The following MGA variants were observed in gnomAD, a reference collection of about 807,000 sequenced individuals.
MGA encodes the protein MAX gene-associated protein.
A neutral mutation model predicts 261.1 loss-of-function variants in MGA; 40 were observed. The observed-to-expected ratio is 0.15, with a 90% CI of 0.12 to 0.20. MGA has a LOEUF of 0.20. MGA is among the 10% of genes least tolerant of loss of function. The pLI is 1.00. For missense variants in MGA, 3,397 were observed against 3,630.5 expected, an observed-to-expected ratio of 0.94 and a Z score of 1.65; for synonymous variants, 1,302 against 1,290.6, an observed-to-expected ratio of 1.01 and a Z score of -0.19.
chr15:41,707,635 C>G (rs2060189790), intron 5 of MGA, 93 bp from the exon 6 acceptor site: 20 of 1,220,604 alleles, frequency 1.6e-5, no homozygotes, highest in Non-Finnish European at 2.2e-5. Flanking sequence ...CCTTACCCCC[C>G]CGCCATCTCC....
rs1194503854 is a variant in MGA at position 41,748,585 on chromosome 15, A to T, written c.5213-52A>T. ...AATATTATGAATACTTTTTTTTCCT[A>T]CGTGTGTTAAAGGGGAATTTGGGTA... On this transcript the variant is annotated intron_variant, in intron 15 of 23. Coordinates refer to ENST00000219905, the MANE Select transcript of MGA (RefSeq NM_001164273.2). The T allele has an allele frequency of 2.0e-5, 31 of 1,550,238 alleles. No homozygotes were observed. The Admixed American group carries it at 2.4e-4, about 12-fold the overall frequency.
At chr15:41,737,847 G>T in intron 13 of MGA, among the ~76,000 whole-genome samples, 1 of 152,036 alleles carries the variant, frequency 6.6e-6, no homozygotes, top group Non-Finnish European at 1.5e-5. Context: ...CGGCGTGGTG[G>T]CGCGCGCCTG....
intron 19 of MGA, chr15:41,760,041 C>T (rs545763035): frequency 6.4e-5 from 21 of 328,388 alleles, no homozygotes; most frequent in Non-Finnish European, 1.0e-4. Flanking sequence ...AGATCTCGTA[C>T]GCCTGTAACA....
At chr15:41,738,806 T>C (rs1367966294) in intron 13 of MGA, among the ~76,000 whole-genome samples, 1 of 152,212 alleles carries the variant, frequency 6.6e-6, no homozygotes, top group Non-Finnish European at 1.5e-5. Context: ...CAGTAAAGTC[T>C]ACTTTCAGGG....
chr15:41,667,568 C>T (rs746673345), intron 1 of MGA, among the ~76,000 whole-genome samples: 14 of 152,142 alleles, frequency 9.2e-5, no homozygotes, highest in Admixed American at 2.6e-4. Context: ...TTAATAGAGA[C>T]GGACTTTCAC....
intron 9 of MGA, among the ~76,000 whole-genome samples, chr15:41,715,137 C>CTTTTTTTTTTTTTTTTTTTTT (rs766195852): frequency 8.0e-6 from 1 of 124,556 alleles, no homozygotes; most frequent in Non-Finnish European, 1.6e-5. Flanking sequence ...TGGTTTCTGT[C>CTTTTTTTTTTTTTTTTTTTTT]TTTTTTTTTT....
Position 41,766,753 on chromosome 15 carries a change from C to G in MGA, c.8671C>G (p.Gln2891Glu). Residue 2891 changes from glutamine (Q) to glutamate (E), a missense_variant, in exon 24 of 24, where the codon CAA (glutamine) becomes GAA (glutamate). Physicochemically the swap from Gln to Glu is conservative, Grantham distance 29. Around this residue, in one of 9 missense-constraint regions of MGA, gnomAD observed 647 missense variants for 642.4 expected, o/e 1.01. Coordinates refer to ENST00000219905, the MANE Select transcript of MGA (RefSeq NM_001164273.2). ...TGGTTTGAAAGAGTTGCCTGATGTT[C>G]AAGGGGAGAGTGACTCTATCAGTCC... 1 of 1,613,940 alleles carries G rather than the reference C, an allele frequency of 6.2e-7. No homozygotes were observed. The highest frequency in any genetic ancestry group is 8.5e-7 in the Non-Finnish European group (1 of 1,179,870).
intron 2 of MGA, among the ~76,000 whole-genome samples, chr15:41,695,816 A>G (rs933283550): frequency 1.3e-5 from 2 of 152,246 alleles, no homozygotes; most frequent in Non-Finnish European, 2.9e-5. Flanking sequence ...ATCTCAAAAC[A>G]TACAGGAAAA....
rs769432234 is a variant in MGA, at chr15:41,762,273, C to T, written c.7655C>T (p.Ser2552Phe). The change falls in exon 22 of 24, where the codon TCT becomes TTT. Residue 2552 changes from serine to phenylalanine, a missense_variant. Transcript: ENST00000219905. ...ATTAGCAAACAGCAGGAAGGATCTT[C>T]TGCATCATCTGTAGATCTTGGACAG... 10 of 1,613,862 alleles carry T rather than the reference C, an allele frequency of 6.2e-6. No homozygotes were observed. The highest frequency in any genetic ancestry group is 8.5e-6 in the Non-Finnish European group (10 of 1,179,858).
At chr15:41,643,345 A>T (rs755490666) in intron 1 of MGA, among the ~76,000 whole-genome samples, 3 of 151,120 alleles carry the variant, frequency 2.0e-5, no homozygotes, top group African/African-American at 4.9e-5. Flanking sequence ...GGTTCATGTG[A>T]TTCTCCTGTC....
intron 1 of MGA, among the ~76,000 whole-genome samples, chr15:41,622,935 G>A (rs1290298604): frequency 6.6e-6 from 1 of 152,182 alleles, no homozygotes; most frequent in Non-Finnish European, 1.5e-5. Flanking sequence ...AACACATCTG[G>A]AAAACATTTA....
At position 41,762,253 on chromosome 15, in the gene MGA, C is replaced by T. The variant is rs1243287775; in HGVS notation, c.7635C>T (p.Ser2545=). 3 of 1,613,866 alleles carry T rather than the reference C, an allele frequency of 1.9e-6. No individual in the cohort carries two copies. Among genetic ancestry groups the T allele is most frequent in the Non-Finnish European group, 2.5e-6 (3 of 1,179,844 alleles). ...AGTTTGACATATCTCCCAGAATTAG[C>T]AAACAGCAGGAAGGATCTTCTGCAT... The change falls in exon 22 of 24, where the codon AGC becomes AGT. Residue 2545 remains serine, a synonymous_variant. Coordinates refer to ENST00000219905, the MANE Select transcript of MGA (RefSeq NM_001164273.2).
At chr15:41,756,484 G>A (rs915134360) in intron 18 of MGA, among the ~76,000 whole-genome samples, 1 of 152,188 alleles carries the variant, frequency 6.6e-6, no homozygotes, top group African/African-American at 2.4e-5. Flanking sequence ...GTTATTACCA[G>A]TTTAACAGTT....
chr15:41,729,468 G>T, intron 11 of MGA, 119 bp downstream of exon 11: 1 of 949,344 alleles, frequency 1.1e-6, no homozygotes, highest in South Asian at 1.8e-5. Flanking sequence ...TACATGACAT[G>T]TATAACAGTT....
chr15:41,748,687 G>C lies in MGA; in HGVS notation c.5263G>C (p.Val1755Leu). ...TACTCCACAGGTCTCTCCTAACACAGTGAAACGTGCTGGACCTCGATTGTT... is the reference window on the plus strand; with the variant it reads ...TACTCCACAGGTCTCTCCTAACACACTGAAACGTGCTGGACCTCGATTGTT... Residue 1755 changes from valine (V) to leucine (L), a missense_variant, in exon 16 of 24, where the codon GTG becomes CTG. Val to Leu is a conservative substitution (Grantham distance 32). This residue lies in a region of MGA where 1,410 missense variants were observed against 1,386.4 expected (regional missense o/e 1.02). Coordinates refer to ENST00000219905, the MANE Select transcript of MGA (RefSeq NM_001164273.2). 6.2e-7 allele frequency: 1 copy of C among 1,613,942 alleles called. No homozygotes were observed. Among genetic ancestry groups the C allele is most frequent in the Non-Finnish European group, 8.5e-7 (1 of 1,179,884 alleles).
intron 13 of MGA, among the ~76,000 whole-genome samples, chr15:41,736,978 G>C (rs2061815456): frequency 6.6e-6 from 1 of 152,066 alleles, no homozygotes; most frequent in Admixed American, 6.6e-5. Context: ...ATTGCCTGCA[G>C]GCTCTAGTGA....
intron 1 of MGA, among the ~76,000 whole-genome samples, chr15:41,622,600 A>G (rs1275909547): frequency 6.6e-6 from 1 of 152,222 alleles, no homozygotes. Flanking sequence ...GGAGGAAATC[A>G]AAAGGTAACT....
chr15:41,761,873 G>C, intron 21 of MGA, 23 bp downstream of exon 21: 1 of 1,439,406 alleles, frequency 6.9e-7, no homozygotes, highest in Non-Finnish European at 9.5e-7. Context: ...AATAATCTCT[G>C]GTAAAGAGCA....
At position 41,730,463 on chromosome 15, in the gene MGA, A is replaced by G. The variant is rs529451946; in HGVS notation, c.3843+1114A>G. Reference sequence around the variant, plus strand: ...TCAAAAGAAAAAAAAAAATGTAATTAAGCAGTGGTTATCAAGAAAGTTAAC... The same window carrying G: ...TCAAAAGAAAAAAAAAAATGTAATTGAGCAGTGGTTATCAAGAAAGTTAAC... On this transcript the variant is annotated intron_variant, in intron 11 of 23. Transcript: ENST00000219905. 2.6e-5 allele frequency among the ~76,000 whole-genome samples: 4 copies of G among 152,186 alleles called. No individual in the cohort carries two copies. The South Asian group carries it at 8.3e-4, about 32-fold the overall frequency.
Sources: allele counts gnomAD v4.1 joint callset (sites outside exome capture counted in the v4.1 genomes callset), GRCh38; gene constraint gnomAD v4.1.1; regional missense constraint gnomAD v4.1.1; transcripts MANE v1.5; gene names NCBI Gene and HGNC (gene_info 2026-07-23, HGNC 2026-07-21).